Variants in ARFGAP3 observed in about 807,000 individuals in gnomAD.
ARFGAP3 encodes ADP-ribosylation factor GTPase-activating protein 3.
ARFGAP3 carries 72 observed loss-of-function variants against 75.0 expected under a neutral mutation model. The observed-to-expected ratio is 0.96, with a 90% CI of 0.79 to 1.17. The LOEUF (loss-of-function observed/expected upper bound fraction) is 1.17. Among genes scored for constraint, ARFGAP3 ranks in the 50% most tolerant of loss-of-function variants. The pLI, the probability that ARFGAP3 is intolerant of heterozygous loss-of-function variation, is 0.00. For synonymous variants in ARFGAP3, 221 were observed against 217.9 expected (o/e 1.01, Z -0.13); for missense variants, 620 against 626.6 (o/e 0.99, Z 0.11).
intron 14 of ARFGAP3, among the ~76,000 whole-genome samples, chr22:42,804,876 TAAAGAC>T (rs1448315169): frequency 3.3e-5 from 5 of 151,952 alleles, no homozygotes; most frequent in Non-Finnish European, 7.4e-5. Context: ...AGGAAAGTAT[TAAAGAC>T]AAAATAAAAG....
chr22:42,843,686 T>C (rs941108530), intron 2 of ARFGAP3, among the ~76,000 whole-genome samples: 5 of 152,214 alleles, frequency 3.3e-5, no homozygotes, highest in African/African-American at 7.2e-5. Flanking sequence ...TTATTTACGT[T>C]GTATTTAAGC....
intron 2 of ARFGAP3, 40 bp downstream of exon 2, chr22:42,847,474 A>G (rs762163399): frequency 6.5e-7 from 1 of 1,540,744 alleles, no homozygotes; most frequent in East Asian, 2.3e-5. Context: ...CCATGTAACA[A>G]TGTAATCAAT....
At chr22:42,804,687 T>C (rs1008858508) in intron 14 of ARFGAP3, among the ~76,000 whole-genome samples, 10 of 152,224 alleles carry the variant, frequency 6.6e-5, no homozygotes, top group African/African-American at 2.4e-4. Flanking sequence ...GCCTAATTTT[T>C]GTATTTTTAG....
chr22:42,852,736 G>C (rs1336401363), intron 1 of ARFGAP3, among the ~76,000 whole-genome samples: 3 of 151,916 alleles, frequency 2.0e-5, no homozygotes, highest in Non-Finnish European at 2.9e-5. Context: ...AGCTAGTCTT[G>C]ATCTCCATTT....
At chr22:42,809,535 T>A (rs1041483735) in intron 12 of ARFGAP3, among the ~76,000 whole-genome samples, 4 of 148,974 alleles carry the variant, frequency 2.7e-5, no homozygotes, top group African/African-American at 1.0e-4. Context: ...AGACCTGGGG[T>A]GACCAGGGGC....
At chr22:42,815,091 T>G (rs1165872225) in intron 11 of ARFGAP3, among the ~76,000 whole-genome samples, 1 of 152,160 alleles carries the variant, frequency 6.6e-6, no homozygotes, top group African/African-American at 2.4e-5. Context: ...TAATAAGCAG[T>G]GAAATAATCA....
intron 13 of ARFGAP3, 147 bp from the exon 14 acceptor site, chr22:42,807,310 G>T: frequency 7.0e-7 from 1 of 1,425,452 alleles, no homozygotes; most frequent in Non-Finnish European, 9.2e-7. Context: ...GCCAAGGCCA[G>T]GTCCTGCGGG....
At chr22:42,826,652 G>C (rs555597551) in intron 7 of ARFGAP3, among the ~76,000 whole-genome samples, 1 of 151,942 alleles carries the variant, frequency 6.6e-6, no homozygotes, top group Non-Finnish European at 1.5e-5. Flanking sequence ...TGACCACCTC[G>C]GCTTCATAAA....
intron 2 of ARFGAP3, among the ~76,000 whole-genome samples, chr22:42,842,306 T>C (rs1411674869): frequency 0.1 from 2,445 of 24,146 alleles, 82 homozygotes; most frequent in African/African-American, 0.46. Flanking sequence ...TGCCTGGCCT[T>C]TTTTTTTTTT....
intron 7 of ARFGAP3, among the ~76,000 whole-genome samples, chr22:42,824,031 C>T (rs930971933): frequency 7.3e-4 from 105 of 143,602 alleles, no homozygotes; most frequent in African/African-American, 2.5e-3. Context: ...ATTACAACAA[C>T]TTTTTTTTTT....
chr22:42,836,214 G>A (rs1395744803), intron 3 of ARFGAP3, among the ~76,000 whole-genome samples: 1 of 151,986 alleles, frequency 6.6e-6, no homozygotes, highest in African/African-American at 2.4e-5. Context: ...TGAGCTCAAG[G>A]AATCCACTTG....
Position 42,799,255 on chromosome 22 carries a change from G to C in ARFGAP3, c.1412-95C>G, listed in dbSNP as rs1003344472. 3 of 1,555,638 alleles carry C rather than the reference G, an allele frequency of 1.9e-6. No individual in the cohort carries two copies. In the African/African-American group the frequency reaches 4.0e-5, roughly 21 times the overall value. On this transcript the variant is annotated intron_variant, in intron 14 of 15. Coordinates refer to ENST00000263245, the MANE Select transcript of ARFGAP3 (RefSeq NM_014570.5). ...GTGCTCAACGGCTCCAGAGAACCCG[G>C]ATCTCTCCCCTCCTGCTGCCTCACA...
At chr22:42,807,042 CAG>C (rs1569136731) in intron 14 of ARFGAP3, 29 bp downstream of exon 14, 1 of 1,577,092 alleles carries the variant, frequency 6.3e-7, no homozygotes, top group Non-Finnish European at 8.6e-7. Context: ...GTAGACATGA[CAG>C]AGACCAGCTC....
At chr22:42,822,740 T>C (rs1261700097) in intron 8 of ARFGAP3, among the ~76,000 whole-genome samples, 1 of 152,206 alleles carries the variant, frequency 6.6e-6, no homozygotes, top group Non-Finnish European at 1.5e-5. Context: ...ATAATGTAAA[T>C]GCTATGAAAA....
intron 2 of ARFGAP3, among the ~76,000 whole-genome samples, chr22:42,844,835 G>A (rs761515796): frequency 4.6e-5 from 7 of 152,126 alleles, no homozygotes; most frequent in Non-Finnish European, 1.0e-4. Context: ...CTGCCCTAAG[G>A]TTGTATCATG....
intron 9 of ARFGAP3, 85 bp downstream of exon 9, chr22:42,822,185 A>C: frequency 8.3e-7 from 1 of 1,201,136 alleles, no homozygotes; most frequent in Non-Finnish European, 1.2e-6. Context: ...CCCCCACACA[A>C]AAATACATGG....
intron 14 of ARFGAP3, among the ~76,000 whole-genome samples, chr22:42,802,818 G>T (rs911169102): frequency 1.3e-5 from 2 of 149,132 alleles, no homozygotes; most frequent in African/African-American, 4.9e-5. Context: ...AGCCAGGATG[G>T]TCTCGATCTC....
chr22:42,846,312 G>A (rs1437015208), intron 2 of ARFGAP3, among the ~76,000 whole-genome samples: 1 of 152,226 alleles, frequency 6.6e-6, no homozygotes, highest in Non-Finnish European at 1.5e-5. Context: ...CCTGGCAAGG[G>A]CCTGTGGCAG....
intron 2 of ARFGAP3, 187 bp from the exon 3 acceptor site, chr22:42,841,203 T>C: frequency 1.6e-6 from 1 of 640,392 alleles, no homozygotes; most frequent in Non-Finnish European, 1.9e-6. Flanking sequence ...GAGCAACCCC[T>C]GGCTCCTCTC....
Sources: allele counts gnomAD v4.1 joint callset (sites outside exome capture counted in the v4.1 genomes callset), GRCh38; gene constraint gnomAD v4.1.1; transcripts MANE v1.5; gene names NCBI Gene and HGNC (gene_info 2026-07-23, HGNC 2026-07-21).